Variants in C2orf69 observed in about 807,000 individuals in gnomAD.
The protein encoded by C2orf69 is mitochondrial protein C2orf69.
In C2orf69, 19 loss-of-function variants were observed where a neutral mutation model predicts 29.5. That is an observed-to-expected ratio of 0.65 (90% CI 0.45 to 0.95). The LOEUF is 0.95. Ranked by LOEUF, C2orf69 falls within the 40% of genes least tolerant of loss-of-function variation. C2orf69 has a pLI of 0.00. For missense variants in C2orf69, 416 were observed against 482.1 expected (o/e 0.86, Z 1.28); for synonymous variants, 194 against 180.0 (o/e 1.08, Z -0.62).
chr2:199,912,358 G>A (rs1321421441), intron 1 of C2orf69, among the ~76,000 whole-genome samples: 1 of 152,184 alleles, frequency 6.6e-6, no homozygotes, highest in Non-Finnish European at 1.5e-5. Flanking sequence ...TATAGCTGCA[G>A]GTAAATATCC....
Position 199,911,333 on chromosome 2 carries a change from G to C in C2orf69, c.-106G>C. 4.6e-6 allele frequency: 6 copies of C among 1,314,692 alleles called. No homozygotes were observed. The highest frequency in any genetic ancestry group is 5.9e-6 in the Non-Finnish European group (6 of 1,022,582). The allele number at this position is 1,314,692 out of a possible 1,614,324, so 81.4% of individuals were successfully genotyped here. On this transcript the variant is annotated 5_prime_UTR_variant, in exon 1 of 2. Transcript: ENST00000319974. The stretch of plus-strand genomic sequence containing the variant: ...CTCAGCGCCGGCTCCCGGCCGGGCC[G>C]CGGCCGCCGACCGTTGAGCCGCCGG...
intron 1 of C2orf69, among the ~76,000 whole-genome samples, 178 bp from the exon 2 acceptor site, chr2:199,924,884 G>T (rs1574783916): frequency 1.3e-5 from 2 of 151,978 alleles, no homozygotes; most frequent in African/African-American, 4.8e-5. Flanking sequence ...AGAAGTAATT[G>T]GTTCAAAAAT....
intron 1 of C2orf69, among the ~76,000 whole-genome samples, chr2:199,913,433 ATATTATATAAAATATATATTC>A (rs1364706055): frequency 1.2e-4 from 4 of 33,368 alleles, no homozygotes; most frequent in African/African-American, 2.4e-4. Context: ...TATAAAATAT[ATATTATATAAAATATATATTC>A]TATTATATAA....
Position 199,911,359 on chromosome 2 carries a change from C to T in C2orf69, c.-80C>T, listed in dbSNP as rs2077255747. On this transcript the variant is annotated 5_prime_UTR_variant, in exon 1 of 2. Coordinates refer to ENST00000319974, the MANE Select transcript of C2orf69 (RefSeq NM_153689.6). ...CGGCCGCCGACCGTTGAGCCGCCGG[C>T]TGAGCCGCCTGCTGAAGTCCCTCCC... is the stretch of plus-strand genomic sequence containing the variant. The T allele has an allele frequency of 7.3e-7, 1 of 1,371,376 alleles. No individual in the cohort carries two copies. The highest frequency in any genetic ancestry group is 1.5e-5 in the African/African-American group (1 of 64,988). The allele number at this position is 1,371,376 out of a possible 1,614,324, so 85.0% of individuals were successfully genotyped here.
At position 199,911,546 on chromosome 2, in the gene C2orf69, CG is replaced by C; in HGVS notation, c.110del (p.Gly37AlafsTer81). 1 of 1,549,676 alleles carries C rather than the reference CG, an allele frequency of 6.5e-7. No individual in the cohort carries two copies. The highest frequency in any genetic ancestry group is 8.7e-7 in the Non-Finnish European group (1 of 1,146,694). ...CTCAGGCCAGAACCATGAACCCGGG[CG>C]GCAGCGGCGGCGCGCGATGCTCCCT... The part of the protein sequence containing the change: ...CSQARTMNPG[G>X]SGGARCSLSA... On this transcript the variant is annotated frameshift_variant, in exon 1 of 2. Coordinates refer to ENST00000319974, the MANE Select transcript of C2orf69 (RefSeq NM_153689.6). LOFTEE classifies it high-confidence loss of function.
At chr2:199,913,228 AT>A (rs1193682404) in intron 1 of C2orf69, among the ~76,000 whole-genome samples, 1 of 53,472 alleles carries the variant, frequency 1.9e-5, no homozygotes, top group East Asian at 3.6e-4. Context: ...TATAATATAT[AT>A]TATAATATAT....
chr2:199,911,581 A>C lies in C2orf69; in HGVS notation c.143A>C (p.Glu48Ala). Residue 48 changes from glutamate to alanine, a missense_variant, in exon 1 of 2, where the codon GAG becomes GCG. Glu to Ala is a moderately radical substitution (Grantham distance 107, BLOSUM62 -1). Coordinates refer to ENST00000319974, the MANE Select transcript of C2orf69 (RefSeq NM_153689.6). ...GGCGCGCGATGCTCCCTCTCGGCCG[A>C]GGTGCGCCGCCGTCAGTGCCTGCAG... ...SGGARCSLSA[E>A]VRRRQCLQLS... 6.5e-7 allele frequency: 1 copy of C among 1,549,592 alleles called. No homozygotes were observed. Among genetic ancestry groups the C allele is most frequent in the South Asian group, 1.2e-5 (1 of 83,996 alleles).
At position 199,911,336 on chromosome 2, in the gene C2orf69, GC is replaced by G; in HGVS notation, c.-101del. Reference sequence around the variant, plus strand: ...AGCGCCGGCTCCCGGCCGGGCCGCGGCCGCCGACCGTTGAGCCGCCGGCTGA... The same window carrying G: ...AGCGCCGGCTCCCGGCCGGGCCGCGGCGCCGACCGTTGAGCCGCCGGCTGA... On this transcript the variant is annotated 5_prime_UTR_variant, in exon 1 of 2. Coordinates refer to ENST00000319974, the MANE Select transcript of C2orf69 (RefSeq NM_153689.6). 2 of 1,332,932 alleles carry G rather than the reference GC, an allele frequency of 1.5e-6. No homozygotes were observed. The highest frequency in any genetic ancestry group is 1.9e-6 in the Non-Finnish European group (2 of 1,037,704). The allele number at this position is 1,332,932 out of a possible 1,614,324, so 82.6% of individuals were successfully genotyped here.
At chr2:199,916,088 T>C (rs1275621385) in intron 1 of C2orf69, among the ~76,000 whole-genome samples, 2 of 152,216 alleles carry the variant, frequency 1.3e-5, no homozygotes, top group African/African-American at 2.4e-5. Context: ...AGAGGTCTAA[T>C]TGAATCAGTT....
intron 1 of C2orf69, 137 bp from the exon 2 acceptor site, chr2:199,924,925 A>G: frequency 1.7e-6 from 1 of 594,430 alleles, no homozygotes; most frequent in East Asian, 2.8e-5. Context: ...ACAAATTTAT[A>G]GTTTTCATTT....
rs1407038755 is a variant in C2orf69 at position 199,927,112 on chromosome 2, T to C, written c.*1226T>C. 6.6e-6 allele frequency: 1 copy of C among 152,292 alleles called. No homozygotes were observed. Among genetic ancestry groups the C allele is most frequent in the African/African-American group, 2.4e-5 (1 of 41,446 alleles). The allele number at this position is 152,292 out of a possible 1,614,324, so 9.4% of individuals were successfully genotyped here. Reference sequence around the variant, plus strand: ...GAATTTGCTTAACACTGCTACATAATTTGGGTGAAGTTTCCTTCTGCCCGT... The same window carrying C: ...GAATTTGCTTAACACTGCTACATAACTTGGGTGAAGTTTCCTTCTGCCCGT... On this transcript the variant is annotated 3_prime_UTR_variant, in exon 2 of 2. Transcript: ENST00000319974.
At chr2:199,919,825 G>A (rs935021457) in intron 1 of C2orf69, among the ~76,000 whole-genome samples, 2 of 152,194 alleles carry the variant, frequency 1.3e-5, no homozygotes, top group Non-Finnish European at 2.9e-5. Context: ...CATTCAAACC[G>A]TAGCAGAAGT....
intron 1 of C2orf69, 149 bp downstream of exon 1, chr2:199,911,920 G>C (rs2077264531): frequency 8.1e-7 from 1 of 1,228,592 alleles, no homozygotes. Flanking sequence ...TCTACTCCAC[G>C]AAATCCAAAA....
At chr2:199,921,844 T>A (rs1251954308) in intron 1 of C2orf69, among the ~76,000 whole-genome samples, 3 of 151,968 alleles carry the variant, frequency 2.0e-5, no homozygotes, top group Non-Finnish European at 4.4e-5. Context: ...ATGGATGATT[T>A]TTCTATCTTA....
rs1481770077 is a variant in C2orf69 at position 199,926,369 on chromosome 2, G to C, written c.*483G>C. The stretch of plus-strand genomic sequence containing the variant: ...GGAATAACTGCACCCTGCCTTTTGT[G>C]TTTTTGTAAACTCCTTGACTCATTC... On this transcript the variant is annotated 3_prime_UTR_variant, in exon 2 of 2. Coordinates refer to ENST00000319974, the MANE Select transcript of C2orf69 (RefSeq NM_153689.6). 1 of 157,984 alleles carries C rather than the reference G, an allele frequency of 6.3e-6. No individual in the cohort carries two copies. The highest frequency in any genetic ancestry group is 2.4e-5 in the African/African-American group (1 of 41,476). 9.8% of individuals were successfully genotyped at this position (157,984 alleles called of 1,614,324 possible). A position where few individuals can be genotyped will look rare whatever the true frequency, so the allele number is the denominator to read the frequency against.
chr2:199,911,392 C>G lies in C2orf69; in HGVS notation c.-47C>G. 7.0e-7 allele frequency: 1 copy of G among 1,424,926 alleles called. No individual in the cohort carries two copies. Among genetic ancestry groups the G allele is most frequent in the South Asian group, 1.5e-5 (1 of 66,640 alleles). 88.3% of individuals were successfully genotyped at this position (1,424,926 alleles called of 1,614,324 possible). A position where few individuals can be genotyped will look rare whatever the true frequency, so the allele number is the denominator to read the frequency against. The stretch of plus-strand genomic sequence containing the variant: ...CCTGCTGAAGTCCCTCCCTCAGGAA[C>G]CCCTCCGCCACCCTCCACCTCCGAA... On this transcript the variant is annotated 5_prime_UTR_variant, in exon 1 of 2. Transcript: ENST00000319974.
Position 199,922,031 on chromosome 2 carries a change from T to TATATATATATATATATATATATA in C2orf69, c.334-3031_334-3030insATATATATATATATATATATATA, listed in dbSNP as rs1553566021. On this transcript the variant is annotated intron_variant, in intron 1 of 1. Transcript: ENST00000319974. ...TTCCCCAAGGCTGCCACTGTTATTT[T>TATATATATATATATATATATATA]TATATATATATATATATATATATGC... Among the ~76,000 whole-genome samples, 18 of 78,958 alleles carry TATATATATATATATATATATATA rather than the reference T, an allele frequency of 2.3e-4. No homozygotes were observed. The East Asian group carries it at 2.9e-3, about 13-fold the overall frequency. The allele number at this position is 78,958 out of a possible 152,430, so 51.8% of individuals were successfully genotyped here.
chr2:199,913,481 A>T (rs866006261), intron 1 of C2orf69, among the ~76,000 whole-genome samples: 2 of 104,686 alleles, frequency 1.9e-5, no homozygotes, highest in East Asian at 2.5e-4. Context: ...TATTATATAA[A>T]ATATATATTA....
chr2:199,915,406 G>A (rs1215554100), intron 1 of C2orf69, among the ~76,000 whole-genome samples: 6 of 152,048 alleles, frequency 3.9e-5, no homozygotes, highest in African/African-American at 9.7e-5. Context: ...ACCACACCTC[G>A]CTGAGCATTC....
Sources: allele counts gnomAD v4.1 joint callset (sites outside exome capture counted in the v4.1 genomes callset), GRCh38; gene constraint gnomAD v4.1.1; transcripts MANE v1.5; gene names NCBI Gene and HGNC (gene_info 2026-07-23, HGNC 2026-07-21).